The following ZNF678 variants were observed in gnomAD, a reference collection of about 807,000 sequenced individuals.
The protein encoded by ZNF678 is hypothetical protein MGC42493.
Under a neutral mutation model 3.0 loss-of-function variants are expected in ZNF678, and 5 were observed. The ratio of observed to expected loss-of-function variants is 1.69; its 90% CI spans 0.88 to 3.56. ZNF678 has a LOEUF of 3.56. Ranked by LOEUF, ZNF678 falls within the 30% of genes most tolerant of loss-of-function variation. ZNF678 has a pLI of 0.00. For synonymous variants in ZNF678, 218 were observed against 199.6 expected (o/e 1.09, Z -0.78); for missense variants, 593 against 605.0 (o/e 0.98, Z 0.21).
chr1:227,674,287 A>G (rs1216805475), intron 5 of ZNF678, among the ~76,000 whole-genome samples: 8 of 152,224 alleles, frequency 5.3e-5, no homozygotes, highest in Non-Finnish European at 1.2e-4. Flanking sequence ...GCAAACTTTC[A>G]AGTAAAGATG....
intron 1 of ZNF678, among the ~76,000 whole-genome samples, chr1:227,631,590 T>C (rs1658548397): frequency 6.6e-6 from 1 of 152,246 alleles, no homozygotes; most frequent in Non-Finnish European, 1.5e-5. Flanking sequence ...CTTCTTTTCC[T>C]TTGTAGGAAT....
Position 227,582,784 on chromosome 1 carries a change from C to CTGTG in ZNF678, c.-164+19071_-164+19074dup, listed in dbSNP as rs144151864. Among the ~76,000 whole-genome samples, 9 of 151,526 alleles carry CTGTG rather than the reference C, an allele frequency of 5.9e-5. No individual in the cohort carries two copies. In the South Asian group the frequency reaches 1.7e-3, roughly 28 times the overall value. On this transcript the variant is annotated intron_variant, in intron 1 of 3. Coordinates refer to ENST00000343776, the MANE Select transcript of ZNF678 (RefSeq NM_001367909.1). ...CCTGAGATAAGAATCAAGATCTTTT[C>CTGTG]TGTGTGTGTGTGTGAATGTCTAATA...
At chr1:227,662,921 C>T (rs116215341), downstream of ZNF678, among the ~76,000 whole-genome samples, 1 of 152,206 alleles carries the variant, frequency 6.6e-6, no homozygotes, top group African/African-American at 2.4e-5. Context: ...GTATGTGTTC[C>T]CATGTTTTAA....
At chr1:227,598,337 T>G in intron 1 of ZNF678, 2 of 1,265,706 alleles carry the variant, frequency 1.6e-6, no homozygotes, top group East Asian at 3.1e-5. Flanking sequence ...AATTCGTGGA[T>G]TTTAGTAAAT....
At chr1:227,640,464 C>G (rs910524059) in intron 1 of ZNF678, among the ~76,000 whole-genome samples, 2 of 151,242 alleles carry the variant, frequency 1.3e-5, no homozygotes, top group African/African-American at 4.9e-5. Context: ...ATCAGGGCAG[C>G]GAGAATGGAG....
At chr1:227,602,821 T>C (rs1364275251) in intron 1 of ZNF678, among the ~76,000 whole-genome samples, 1 of 152,206 alleles carries the variant, frequency 6.6e-6, no homozygotes. Context: ...ATAGTACTTG[T>C]TGGTTACACT....
intron 1 of ZNF678, among the ~76,000 whole-genome samples, chr1:227,620,608 A>G (rs907935790): frequency 6.6e-6 from 1 of 152,246 alleles, no homozygotes; most frequent in African/African-American, 2.4e-5. Context: ...GTAAATGTAA[A>G]TATGAGTTCC....
chr1:227,564,700 G>T (rs189243497), intron 1 of ZNF678, among the ~76,000 whole-genome samples: 1 of 152,238 alleles, frequency 6.6e-6, no homozygotes, highest in Non-Finnish European at 1.5e-5. Flanking sequence ...ACATTGGAGG[G>T]CACTCTTTGT....
Position 227,658,408 on chromosome 1 carries a change from A to G in ZNF678, c.*2580A>G, listed in dbSNP as rs1309757458. The G allele has an allele frequency of 2.0e-5, 3 of 152,102 alleles. No individual in the cohort carries two copies. The highest frequency in any genetic ancestry group is 4.4e-5 in the Non-Finnish European group (3 of 67,972). 9.4% of individuals were successfully genotyped at this position (152,102 alleles called of 1,614,324 possible). A position where few individuals can be genotyped will look rare whatever the true frequency, so the allele number is the denominator to read the frequency against. On this transcript the variant is annotated 3_prime_UTR_variant, in exon 4 of 4. Transcript: ENST00000343776. ...TACAAGTAAGAGATTAGAAATATTC[A>G]GCATAAAGAGATGGCATTAACTCTG...
downstream of ZNF678, among the ~76,000 whole-genome samples, chr1:227,666,912 T>C (rs184008836): frequency 6.6e-6 from 1 of 151,560 alleles, no homozygotes; most frequent in Non-Finnish European, 1.5e-5. Flanking sequence ...AGCCGGCTAA[T>C]TTTTTGTATT....
intron 1 of ZNF678, among the ~76,000 whole-genome samples, chr1:227,569,507 A>C (rs1656781074): frequency 6.6e-6 from 1 of 152,238 alleles, no homozygotes; most frequent in Non-Finnish European, 1.5e-5. Context: ...AGTTGAGCCC[A>C]AAGAATAGAT....
chr1:227,606,430 A>G (rs1221125606), intron 1 of ZNF678, among the ~76,000 whole-genome samples: 4 of 152,230 alleles, frequency 2.6e-5, no homozygotes, highest in African/African-American at 2.4e-5. Context: ...CACCACTAGC[A>G]TATCTTGCCT....
chr1:227,566,507 A>G (rs1192539052), intron 1 of ZNF678, among the ~76,000 whole-genome samples: 1 of 152,210 alleles, frequency 6.6e-6, no homozygotes, highest in Non-Finnish European at 1.5e-5. Flanking sequence ...GTGTCTCCAG[A>G]CAGAATGGTC....
chr1:227,661,582 A>G lies in ZNF678; in HGVS notation c.*5754A>G, dbSNP rs1659407490. 6.6e-6 allele frequency: 1 copy of G among 152,174 alleles called. No homozygotes were observed. Among genetic ancestry groups the G allele is most frequent in the African/African-American group, 2.4e-5 (1 of 41,432 alleles). 9.4% of individuals were successfully genotyped at this position (152,174 alleles called of 1,614,324 possible). Reference sequence around the variant, plus strand: ...TGACCTGCTTTCCATGTCTCAAAACATTAGTCCCTACAAGAACCCTATGAG... The same window carrying G: ...TGACCTGCTTTCCATGTCTCAAAACGTTAGTCCCTACAAGAACCCTATGAG... On this transcript the variant is annotated 3_prime_UTR_variant, in exon 4 of 4. Coordinates refer to ENST00000343776, the MANE Select transcript of ZNF678 (RefSeq NM_001367909.1).
intron 1 of ZNF678, among the ~76,000 whole-genome samples, chr1:227,645,406 T>A (rs533862682): frequency 6.6e-6 from 1 of 152,354 alleles, no homozygotes; most frequent in East Asian, 1.9e-4. Context: ...TTTATATATT[T>A]GTAATGTTTC....
At chr1:227,575,017 T>C (rs1656952493) in intron 1 of ZNF678, among the ~76,000 whole-genome samples, 1 of 152,136 alleles carries the variant, frequency 6.6e-6, no homozygotes, top group South Asian at 2.1e-4. Context: ...CCATTGCTTA[T>C]TTTTATCAGG....
intron 1 of ZNF678, among the ~76,000 whole-genome samples, chr1:227,642,651 T>C (rs890215443): frequency 2.0e-5 from 3 of 152,010 alleles, no homozygotes; most frequent in African/African-American, 7.3e-5. Context: ...TGATTCATCA[T>C]GGGGATATCA....
chr1:227,626,666 T>G (rs1442665777), intron 1 of ZNF678, among the ~76,000 whole-genome samples: 2 of 152,152 alleles, frequency 1.3e-5, no homozygotes, highest in Non-Finnish European at 2.9e-5. Flanking sequence ...TTACTAAGGC[T>G]ATAGGCAACA....
In ZNF678 at chr1:227,654,496, T is replaced by C; in HGVS notation, c.246T>C (p.Tyr82=). 6.2e-7 allele frequency: 1 copy of C among 1,613,172 alleles called. No individual in the cohort carries two copies. The highest frequency in any genetic ancestry group is 8.5e-7 in the Non-Finnish European group (1 of 1,179,492). Residue 82 remains tyrosine (Y), a synonymous_variant, in exon 4 of 4, where the codon TAT becomes TAC. Coordinates refer to ENST00000343776, the MANE Select transcript of ZNF678 (RefSeq NM_001367909.1). The part of the protein sequence containing the change: ...TVNEGKGQKE[Y]CNRLTQCSST... ...ATGAAGGTAAGGGGCAGAAAGAATA[T>C]TGCAATAGACTTACTCAATGTTCAT... is the stretch of plus-strand genomic sequence containing the variant.
Sources: gnomAD v4.1 joint callset for allele counts (sites outside exome capture counted in the v4.1 genomes callset) on GRCh38, gnomAD v4.1.1 for gene constraint, MANE v1.5 for transcripts, NCBI Gene and HGNC (gene_info 2026-07-23, HGNC 2026-07-21) for gene names.